SGCZ: variants seen among roughly 807,000 people sequenced by gnomAD.
SGCZ encodes sarcoglycan zeta.
A neutral mutation model predicts 41.3 loss-of-function variants in SGCZ; 40 were observed. That is an observed-to-expected ratio of 0.97 (90% CI 0.75 to 1.26). The LOEUF (loss-of-function observed/expected upper bound fraction) is 1.26, where lower values mean the gene tolerates loss of function less well. Ranked by LOEUF, SGCZ falls within the 50% of genes most tolerant of loss-of-function variation. The pLI, the probability that SGCZ is intolerant of heterozygous loss-of-function variation, is 0.00. For missense variants in SGCZ, 552 were observed against 369.8 expected (o/e 1.49, Z -4.04); for synonymous variants, 206 against 137.5 (o/e 1.50, Z -3.49).
At chr8:14,228,832 T>C (rs1004915351) in intron 4 of SGCZ, among the ~76,000 whole-genome samples, 1 of 152,142 alleles carries the variant, frequency 6.6e-6, no homozygotes, top group Non-Finnish European at 1.5e-5. Context: ...ATATTTTGTC[T>C]GGAAAAGGAA....
At chr8:15,069,699 G>C (rs890411533) in intron 1 of SGCZ, among the ~76,000 whole-genome samples, 3 of 152,072 alleles carry the variant, frequency 2.0e-5, no homozygotes, top group Non-Finnish European at 4.4e-5. Flanking sequence ...CATTTATTGT[G>C]ATCATCTTGG....
At chr8:14,169,170 T>C (rs1804298060) in intron 4 of SGCZ, among the ~76,000 whole-genome samples, 1 of 152,136 alleles carries the variant, frequency 6.6e-6, no homozygotes, top group African/African-American at 2.4e-5. Flanking sequence ...AACTTGACAT[T>C]CCACAAGATT....
intron 2 of SGCZ, among the ~76,000 whole-genome samples, chr8:14,536,049 C>G (rs1306073414): frequency 6.6e-6 from 1 of 151,746 alleles, no homozygotes; most frequent in Non-Finnish European, 1.5e-5. Flanking sequence ...ATGAACAAAA[C>G]TGGGGAAATA....
intron 2 of SGCZ, among the ~76,000 whole-genome samples, chr8:14,507,414 C>T (rs10216809): frequency 0.091 from 13,242 of 145,058 alleles, 996 homozygotes; most frequent in African/African-American, 0.22. Context: ...TGAAGTCTAC[C>T]TGTAATTTAT....
rs545606956 is a variant in SGCZ at position 14,222,771 on chromosome 8, C to A, written c.424+14821G>T. Among the ~76,000 whole-genome samples, 20 of 142,170 alleles carry A rather than the reference C, an allele frequency of 1.4e-4. No homozygotes were observed. The South Asian group carries it at 4.6e-3, about 32-fold the overall frequency. 93.3% of individuals were successfully genotyped at this position (142,170 alleles called of 152,430 possible). On this transcript the variant is annotated intron_variant, in intron 4 of 7. Coordinates refer to ENST00000382080, the MANE Select transcript of SGCZ (RefSeq NM_139167.4). ...ACCTAACTTATTTAATAACTAATTC[C>A]ACCCTCTCTCAGTCACAGTGATTTT... is the stretch of plus-strand genomic sequence containing the variant.
rs370330668 is a variant in SGCZ, at chr8:15,211,202, G to A, written c.39+26383C>T. Among the ~76,000 whole-genome samples, 190 of 151,332 alleles carry A rather than the reference G, an allele frequency of 1.3e-3. No individual in the cohort carries two copies. In the Middle Eastern group the frequency reaches 0.017, roughly 14 times the overall value. Reference sequence around the variant, plus strand: ...ATTCCAGAACCTACAGATATCAACAGACAGAATATAATACATACTCACATA... The same window carrying A: ...ATTCCAGAACCTACAGATATCAACAAACAGAATATAATACATACTCACATA... On this transcript the variant is annotated intron_variant, in intron 1 of 7. Coordinates refer to ENST00000382080, the MANE Select transcript of SGCZ (RefSeq NM_139167.4).
chr8:14,909,028 C>G (rs1017322668), intron 1 of SGCZ, among the ~76,000 whole-genome samples: 7 of 152,148 alleles, frequency 4.6e-5, no homozygotes, highest in Non-Finnish European at 8.8e-5. Flanking sequence ...AATCGGGACT[C>G]TAATGATGAG....
At chr8:14,617,928 C>A (rs927651545) in intron 1 of SGCZ, among the ~76,000 whole-genome samples, 1 of 151,610 alleles carries the variant, frequency 6.6e-6, no homozygotes, top group Non-Finnish European at 1.5e-5. Context: ...TTCACTATCA[C>A]AATACGTTAA....
At chr8:14,260,692 C>T (rs951404008) in intron 3 of SGCZ, among the ~76,000 whole-genome samples, 2 of 152,124 alleles carry the variant, frequency 1.3e-5, no homozygotes, top group African/African-American at 4.8e-5. Context: ...GACTTAGAAC[C>T]AACCCAAATG....
chr8:14,161,453 C>G (rs866335245), intron 5 of SGCZ: 5 of 152,032 alleles, frequency 3.3e-5, no homozygotes, highest in African/African-American at 1.2e-4. Flanking sequence ...CTAAGAGACA[C>G]AGAAATGTGA....
intron 1 of SGCZ, among the ~76,000 whole-genome samples, chr8:15,003,722 T>C (rs925734131): frequency 2.0e-5 from 3 of 152,188 alleles, no homozygotes; most frequent in Admixed American, 6.5e-5. Context: ...TCAGGATTTA[T>C]GACAAAAACT....
intron 1 of SGCZ, among the ~76,000 whole-genome samples, chr8:14,589,135 G>A (rs1233654783): frequency 6.6e-6 from 1 of 151,988 alleles, no homozygotes; most frequent in East Asian, 1.9e-4. Context: ...GTATACATAT[G>A]TAACAAACCT....
intron 1 of SGCZ, among the ~76,000 whole-genome samples, chr8:14,730,196 T>C (rs1315225625): frequency 6.6e-6 from 1 of 152,240 alleles, no homozygotes; most frequent in African/African-American, 2.4e-5. Flanking sequence ...TGAGAAGTTT[T>C]CTGGAGTGCC....
chr8:14,156,467 A>G (rs1803879479), intron 5 of SGCZ, among the ~76,000 whole-genome samples: 1 of 152,022 alleles, frequency 6.6e-6, no homozygotes, highest in Non-Finnish European at 1.5e-5. Flanking sequence ...TCTCAGAAAA[A>G]AACAAAAACA....
intron 2 of SGCZ, among the ~76,000 whole-genome samples, chr8:14,461,554 T>G (rs990219553): frequency 1.3e-5 from 2 of 152,088 alleles, no homozygotes; most frequent in African/African-American, 2.4e-5. Context: ...GACCATTAGC[T>G]TGACATGCAC....
Position 14,231,443 on chromosome 8 carries a change from T to C in SGCZ, c.424+6149A>G, listed in dbSNP as rs143480118. ...AACAAACAGGTCCAGCCACAGTCACTAATGTTTTGAGATCTCACCTCAATT... is the reference window on the plus strand; with the variant it reads ...AACAAACAGGTCCAGCCACAGTCACCAATGTTTTGAGATCTCACCTCAATT... On this transcript the variant is annotated intron_variant, in intron 4 of 7. Transcript: ENST00000382080. Among the ~76,000 whole-genome samples, 468 of 152,098 alleles carry C rather than the reference T, an allele frequency of 3.1e-3. 3 individuals carry two copies. The highest frequency in any genetic ancestry group is 9.8e-3 in the African/African-American group (408 of 41,512).
chr8:14,136,468 G>T (rs1803201978), intron 5 of SGCZ, among the ~76,000 whole-genome samples: 1 of 152,158 alleles, frequency 6.6e-6, no homozygotes, highest in Non-Finnish European at 1.5e-5. Flanking sequence ...TTTTCCAATG[G>T]TCTTAGCAAA....
chr8:14,946,951 G>A (rs1203567277), intron 1 of SGCZ, among the ~76,000 whole-genome samples: 2 of 152,116 alleles, frequency 1.3e-5, no homozygotes, highest in East Asian at 3.9e-4. Context: ...TGGGATTACA[G>A]GCGTGAGCCA....
At chr8:14,401,946 C>G (rs1341289727) in intron 2 of SGCZ, among the ~76,000 whole-genome samples, 1 of 151,354 alleles carries the variant, frequency 6.6e-6, no homozygotes, top group East Asian at 1.9e-4. Context: ...CTCTCCAGCA[C>G]CTGTTGTTTC....
Sources: allele counts gnomAD v4.1 joint callset (sites outside exome capture counted in the v4.1 genomes callset), GRCh38; gene constraint gnomAD v4.1.1; transcripts MANE v1.5; gene names NCBI Gene and HGNC (gene_info 2026-07-23, HGNC 2026-07-21).